Variants in ARNT2 observed in about 807,000 individuals in gnomAD.
The protein encoded by ARNT2 is aryl hydrocarbon receptor nuclear translocator 2.
Under a neutral mutation model 91.7 loss-of-function variants are expected in ARNT2, and 36 were observed. The ratio of observed to expected loss-of-function variants is 0.39; its 90% CI spans 0.30 to 0.52. The LOEUF is 0.52. Among genes scored for constraint, ARNT2 ranks in the 20% least tolerant of loss-of-function variants. The pLI, the probability that ARNT2 is intolerant of heterozygous loss-of-function variation, is 0.72. For synonymous variants in ARNT2, 365 were observed against 347.1 expected, an observed-to-expected ratio of 1.05 and a Z score of -0.57; for missense variants, 775 against 939.3, an observed-to-expected ratio of 0.83 and a Z score of 2.29.
chr15:80,510,700 G>A (rs932387912), intron 6 of ARNT2, among the ~76,000 whole-genome samples: 10 of 151,116 alleles, frequency 6.6e-5, no homozygotes, highest in African/African-American at 9.8e-5. Context: ...GTGGTGACGC[G>A]TGCTTGTAGT....
chr15:80,485,914 T>C (rs1340546053), intron 5 of ARNT2, among the ~76,000 whole-genome samples: 3 of 152,210 alleles, frequency 2.0e-5, no homozygotes, highest in Non-Finnish European at 4.4e-5. Context: ...TTCCTCTGGC[T>C]GCCGTAGTAC....
In ARNT2 at chr15:80,557,112, T is replaced by C. The variant is rs149379962; in HGVS notation, c.1164+1973T>C. ...AGCCTTCCTATTGAAGGCGTTGCTA[T>C]GTTTGCACAAATTGACACAGGACTC... On this transcript the variant is annotated intron_variant, in intron 11 of 18. Coordinates refer to ENST00000303329, the MANE Select transcript of ARNT2 (RefSeq NM_014862.4). Among the ~76,000 whole-genome samples the C allele has an allele frequency of 3.9e-3, 589 of 152,298 alleles. 5 individuals carry two copies. The highest frequency in any genetic ancestry group is 0.013 in the African/African-American group (556 of 41,544).
intron 4 of ARNT2, among the ~76,000 whole-genome samples, chr15:80,473,249 T>C (rs1231550370): frequency 6.6e-6 from 1 of 152,134 alleles, no homozygotes; most frequent in Non-Finnish European, 1.5e-5. Context: ...TCTTGGAGTG[T>C]AGAGGCTGGT....
chr15:80,514,766 G>A (rs111594091), intron 8 of ARNT2, among the ~76,000 whole-genome samples: 30 of 152,152 alleles, frequency 2.0e-4, no homozygotes, highest in Middle Eastern at 3.4e-3. Context: ...GGCGCCTGTC[G>A]TCCCAGCTAC....
At position 80,596,094 on chromosome 15, in the gene ARNT2, G is replaced by A. The variant is rs1184852229; in HGVS notation, c.*2396G>A. On this transcript the variant is annotated 3_prime_UTR_variant, in exon 19 of 19. Transcript: ENST00000303329. ...AACACGCTGACTGTGAACCTGCCCT[G>A]TATCCGGAGCTGTGCTGGGCACTGA... The A allele has an allele frequency of 6.6e-6, 1 of 152,224 alleles. No homozygotes were observed. The allele number at this position is 152,224 out of a possible 1,614,324, so 9.4% of individuals were successfully genotyped here. A position where few individuals can be genotyped will look rare whatever the true frequency, so the allele number is the denominator to read the frequency against.
At chr15:80,421,516 A>G (rs1450581115) in intron 1 of ARNT2, among the ~76,000 whole-genome samples, 1 of 152,208 alleles carries the variant, frequency 6.6e-6, no homozygotes, top group African/African-American at 2.4e-5. Context: ...AAAGTACTTA[A>G]TGGTACAAAG....
At chr15:80,433,370 C>T (rs905769245) in intron 1 of ARNT2, among the ~76,000 whole-genome samples, 2 of 151,646 alleles carry the variant, frequency 1.3e-5, no homozygotes, top group African/African-American at 4.9e-5. Flanking sequence ...ACTGCAACCT[C>T]TGCCTCCCAG....
chr15:80,502,767 A>G (rs1897218481), intron 5 of ARNT2, among the ~76,000 whole-genome samples: 1 of 152,150 alleles, frequency 6.6e-6, no homozygotes, highest in Non-Finnish European at 1.5e-5. Context: ...TCTTACTTCC[A>G]AGTGGGTATT....
chr15:80,553,952 G>C (rs1898130078), intron 10 of ARNT2, among the ~76,000 whole-genome samples: 2 of 152,160 alleles, frequency 1.3e-5, no homozygotes, highest in Non-Finnish European at 2.9e-5. Context: ...CCCAACCTCT[G>C]ATGGCAGCCA....
chr15:80,443,484 G>A (rs1035951894), intron 1 of ARNT2, among the ~76,000 whole-genome samples: 2 of 152,100 alleles, frequency 1.3e-5, no homozygotes, highest in African/African-American at 2.4e-5. Context: ...CAGCAGCAGA[G>A]CCCAGAAGAT....
chr15:80,426,096 G>C (rs1372806253), intron 1 of ARNT2, among the ~76,000 whole-genome samples: 2 of 134,912 alleles, frequency 1.5e-5, no homozygotes, highest in South Asian at 4.5e-4. Context: ...AACTCTATAG[G>C]ATACGTTTCT....
chr15:80,510,377 A>G (rs1049148647), intron 6 of ARNT2, among the ~76,000 whole-genome samples: 4 of 152,212 alleles, frequency 2.6e-5, no homozygotes, highest in Non-Finnish European at 5.9e-5. Flanking sequence ...GCCATAAAAA[A>G]GTGGGCAAAG....
chr15:80,508,361 G>A (rs28413079), intron 6 of ARNT2, 103 bp downstream of exon 6: 30 of 1,105,198 alleles, frequency 2.7e-5, no homozygotes, highest in Admixed American at 1.3e-4. Flanking sequence ...ACATGCCAAC[G>A]TGGGTTCACT....
intron 8 of ARNT2, among the ~76,000 whole-genome samples, chr15:80,535,895 G>T (rs1392114045): frequency 6.6e-6 from 1 of 152,112 alleles, no homozygotes; most frequent in Non-Finnish European, 1.5e-5. Context: ...GGTGTTTGTT[G>T]TTTTGTTTGT....
rs1214307399 is a variant in ARNT2, at chr15:80,591,752, C to T, written c.2055+48C>T. 5.0e-6 allele frequency: 8 copies of T among 1,607,166 alleles called. No individual in the cohort carries two copies. The highest frequency in any genetic ancestry group is 6.8e-6 in the Non-Finnish European group (8 of 1,175,058). On this transcript the variant is annotated intron_variant, in intron 18 of 18. Coordinates refer to ENST00000303329, the MANE Select transcript of ARNT2 (RefSeq NM_014862.4). The surrounding 1 kb of genome is among the most constrained non-coding windows in gnomAD (Gnocchi z 5.1). Reference sequence around the variant, plus strand: ...TCTCGTAGGTACCGGCGCCTTCTCTCTGCTTCCTTTCCCCCTCGGTCTCTG... The same window carrying T: ...TCTCGTAGGTACCGGCGCCTTCTCTTTGCTTCCTTTCCCCCTCGGTCTCTG...
chr15:80,441,366 T>A (rs1896185085), intron 1 of ARNT2: 1 of 985,240 alleles, frequency 1.0e-6, no homozygotes, highest in African/African-American at 1.7e-5. Flanking sequence ...CTTTGTTTAA[T>A]CCCTCTGAAA....
At chr15:80,535,579 C>A (rs767228984) in intron 8 of ARNT2, among the ~76,000 whole-genome samples, 4 of 152,162 alleles carry the variant, frequency 2.6e-5, no homozygotes, top group African/African-American at 4.8e-5. Context: ...CATTTTTCTA[C>A]TGGGGGATTT....
chr15:80,540,476 C>G (rs1897888153), intron 8 of ARNT2, among the ~76,000 whole-genome samples: 1 of 152,036 alleles, frequency 6.6e-6, no homozygotes, highest in African/African-American at 2.4e-5. Flanking sequence ...TATTCAGATC[C>G]TTTGCTCATT....
At chr15:80,445,628 G>A (rs1896286683) in intron 1 of ARNT2, among the ~76,000 whole-genome samples, 5 of 151,892 alleles carry the variant, frequency 3.3e-5, no homozygotes, top group African/African-American at 9.7e-5. Flanking sequence ...CATGGACTGG[G>A]TGCAGGCTCC....
Sources: gnomAD v4.1 joint callset for allele counts (sites outside exome capture counted in the v4.1 genomes callset) on GRCh38, gnomAD v4.1.1 for gene constraint, Gnocchi (gnomAD v3.1) non-coding constraint, MANE v1.5 for transcripts, NCBI Gene and HGNC (gene_info 2026-07-23, HGNC 2026-07-21) for gene names.